The following CSGALNACT1 variants were observed in gnomAD, a reference collection of about 807,000 sequenced individuals.
The protein encoded by CSGALNACT1 is beta4GalNAcT-1.
CSGALNACT1 carries 52 observed loss-of-function variants against 51.0 expected under a neutral mutation model. The observed-to-expected ratio is 1.02, with a 90% CI of 0.82 to 1.29. The LOEUF (loss-of-function observed/expected upper bound fraction) is 1.29. Ranked by LOEUF, CSGALNACT1 falls within the 50% of genes most tolerant of loss-of-function variation. CSGALNACT1 has a pLI of 0.00. For synonymous variants in CSGALNACT1, 341 were observed against 254.4 expected (o/e 1.34, Z -3.24); for missense variants, 935 against 679.2 (o/e 1.38, Z -4.19).
intron 1 of CSGALNACT1, among the ~76,000 whole-genome samples, chr8:19,675,245 C>T (rs74768558): frequency 0.031 from 4,783 of 152,194 alleles, 248 homozygotes; most frequent in African/African-American, 0.11. Context: ...AAAACAAAAT[C>T]AGGCAGGATG....
At chr8:19,440,692 A>G (rs2061181389) in intron 5 of CSGALNACT1, among the ~76,000 whole-genome samples, 1 of 151,906 alleles carries the variant, frequency 6.6e-6, no homozygotes, top group Non-Finnish European at 1.5e-5. Context: ...ACTCCTATTC[A>G]ACATAGTGTT....
chr8:19,610,153 G>A (rs977250770), intron 1 of CSGALNACT1, among the ~76,000 whole-genome samples: 1 of 151,592 alleles, frequency 6.6e-6, no homozygotes, highest in African/African-American at 2.4e-5. Context: ...AGCCAGGCGT[G>A]GTTGCGGGTA....
At position 19,410,197 on chromosome 8, in the gene CSGALNACT1, G is replaced by A. The variant is rs190118735; in HGVS notation, c.1228-1503C>T. On this transcript the variant is annotated intron_variant, in intron 8 of 9. Coordinates refer to ENST00000454498, the Ensembl canonical transcript of CSGALNACT1. ...GGAAAGTAGAACCAAGAGAGTTTCT[G>A]TTGCTTAAAGTTGTCCCCAGCAAGT... 2.6e-5 allele frequency among the ~76,000 whole-genome samples: 4 copies of A among 152,310 alleles called. No individual in the cohort carries two copies. In the East Asian group the frequency reaches 7.7e-4, roughly 29 times the overall value.
At chr8:19,666,467 G>A (rs1045537752) in intron 1 of CSGALNACT1, among the ~76,000 whole-genome samples, 2 of 151,990 alleles carry the variant, frequency 1.3e-5, no homozygotes, top group African/African-American at 4.8e-5. Context: ...GGCTGAGGCG[G>A]GTGAATCACT....
chr8:19,524,990 C>A (rs933274013), intron 3 of CSGALNACT1, among the ~76,000 whole-genome samples: 2 of 152,172 alleles, frequency 1.3e-5, no homozygotes, highest in Non-Finnish European at 2.9e-5. Context: ...CTCTGAGGAC[C>A]AGCCAAGGAA....
intron 3 of CSGALNACT1, among the ~76,000 whole-genome samples, chr8:19,546,756 C>G (rs1234220971): frequency 6.6e-6 from 1 of 152,174 alleles, no homozygotes; most frequent in Non-Finnish European, 1.5e-5. Context: ...CCCCTCCAAA[C>G]TCAGATGAAA....
intron 4 of CSGALNACT1, among the ~76,000 whole-genome samples, chr8:19,493,172 T>G: frequency 6.6e-6 from 1 of 152,176 alleles, no homozygotes; most frequent in African/African-American, 2.4e-5. Flanking sequence ...AATTACTCTC[T>G]CCTGAACACA....
chr8:19,626,802 G>A (rs2154166618), intron 1 of CSGALNACT1, among the ~76,000 whole-genome samples: 1 of 152,162 alleles, frequency 6.6e-6, no homozygotes, highest in East Asian at 1.9e-4. Context: ...TATGGGTGGT[G>A]AGTAAGTACA....
intron 3 of CSGALNACT1, among the ~76,000 whole-genome samples, chr8:19,584,624 A>C (rs2154125903): frequency 6.6e-6 from 1 of 152,364 alleles, no homozygotes; most frequent in African/African-American, 2.4e-5. Context: ...CTATTCAGAA[A>C]TCAAAAGTAT....
At chr8:19,479,829 GAA>G (rs1212623661) in intron 4 of CSGALNACT1, among the ~76,000 whole-genome samples, 143 of 6,760 alleles carry the variant, frequency 0.021, 8 homozygotes, top group African/African-American at 0.057. Flanking sequence ...AAAGAACTTA[GAA>G]AAAAAAAAAA....
chr8:19,515,263 G>A (rs73212588), intron 3 of CSGALNACT1, among the ~76,000 whole-genome samples: 24,758 of 152,030 alleles, frequency 0.16, 2,307 homozygotes, highest in Non-Finnish European at 0.21. Flanking sequence ...CCAAACTGCC[G>A]GGACTCCACC....
intron 1 of CSGALNACT1, among the ~76,000 whole-genome samples, chr8:19,625,180 G>T (rs925873246): frequency 1.3e-5 from 2 of 152,198 alleles, no homozygotes; most frequent in African/African-American, 4.8e-5. Context: ...TCTTCCCAGT[G>T]ACCAGGAGGG....
intron 2 of CSGALNACT1, among the ~76,000 whole-genome samples, chr8:19,592,072 A>C (rs1478168280): frequency 6.6e-6 from 1 of 152,206 alleles, no homozygotes; most frequent in Non-Finnish European, 1.5e-5. Context: ...AAGAAAAAAA[A>C]AGATTGTGTA....
intron 5 of CSGALNACT1, among the ~76,000 whole-genome samples, chr8:19,448,009 C>T (rs533838501): frequency 3.0e-4 from 46 of 152,168 alleles, no homozygotes; most frequent in Non-Finnish European, 4.0e-4. Flanking sequence ...GGAGTGATAG[C>T]CCCTCTGGCT....
At chr8:19,668,443 G>A (rs1286997716) in intron 1 of CSGALNACT1, among the ~76,000 whole-genome samples, 2 of 152,138 alleles carry the variant, frequency 1.3e-5, no homozygotes, top group African/African-American at 4.8e-5. Context: ...TTATTAAGAA[G>A]TTGAATCCTT....
At chr8:19,541,637 T>A (rs947385639) in intron 3 of CSGALNACT1, among the ~76,000 whole-genome samples, 3 of 142,966 alleles carry the variant, frequency 2.1e-5, no homozygotes, top group African/African-American at 8.0e-5. Context: ...TGACCTCAGG[T>A]GATGCACCCT....
At chr8:19,719,118 A>G (rs2062975684) in intron 1 of CSGALNACT1, among the ~76,000 whole-genome samples, 1 of 152,220 alleles carries the variant, frequency 6.6e-6, no homozygotes, top group African/African-American at 2.4e-5. Flanking sequence ...GATACCACAC[A>G]TATACAATAT....
chr8:19,500,214 C>T (rs972762572), intron 4 of CSGALNACT1, among the ~76,000 whole-genome samples: 2 of 152,078 alleles, frequency 1.3e-5, no homozygotes, highest in African/African-American at 4.8e-5. Context: ...AGAAGGACCC[C>T]GGTTCTGCCA....
intron 4 of CSGALNACT1, among the ~76,000 whole-genome samples, chr8:19,493,123 G>A (rs933695560): frequency 3.3e-5 from 5 of 150,428 alleles, no homozygotes; most frequent in African/African-American, 4.9e-5. Context: ...TTTGTGAAAT[G>A]TCTATGGAAG....
Sources: gnomAD v4.1 joint callset for allele counts (sites outside exome capture counted in the v4.1 genomes callset) on GRCh38, gnomAD v4.1.1 for gene constraint, MANE v1.5 for transcripts, NCBI Gene and HGNC (gene_info 2026-07-23, HGNC 2026-07-21) for gene names.